ADAMTS16: variants seen among roughly 807,000 people sequenced by gnomAD.
The protein encoded by ADAMTS16 is ADAM metallopeptidase with thrombospondin type 1 motif 16.
ADAMTS16 carries 94 observed loss-of-function variants against 145.8 expected under a neutral mutation model. The ratio of observed to expected loss-of-function variants is 0.64; its 90% CI spans 0.55 to 0.77. ADAMTS16 has a LOEUF of 0.77. ADAMTS16 is among the 30% of genes least tolerant of loss of function. The probability of loss-of-function intolerance (pLI) is 0.00; values close to 1 mark genes in which losing one functional copy is unlikely to be tolerated. For synonymous variants in ADAMTS16, 659 were observed against 604.3 expected, an observed-to-expected ratio of 1.09 and a Z score of -1.33; for missense variants, 1,585 against 1,591.5, an observed-to-expected ratio of 1.00 and a Z score of 0.07.
chr5:5,289,963 G>A (rs1255643614), intron 18 of ADAMTS16, among the ~76,000 whole-genome samples: 1 of 152,216 alleles, frequency 6.6e-6, no homozygotes, highest in African/African-American at 2.4e-5. Flanking sequence ...TAATGGCATG[G>A]CAGCCAAGAA....
intron 13 of ADAMTS16, among the ~76,000 whole-genome samples, chr5:5,236,501 T>C (rs1737110373): frequency 6.6e-6 from 1 of 152,228 alleles, no homozygotes; most frequent in South Asian, 2.1e-4. Flanking sequence ...TTATTCCTTT[T>C]ATTAGTTTAA....
At chr5:5,241,563 C>T (rs1451329475) in intron 16 of ADAMTS16, among the ~76,000 whole-genome samples, 1 of 152,166 alleles carries the variant, frequency 6.6e-6, no homozygotes, top group Non-Finnish European at 1.5e-5. Flanking sequence ...GGAAGCATGA[C>T]GATGCTTTGT....
Position 5,282,550 on chromosome 5 carries a change from C to T in ADAMTS16, c.2789+19767C>T, listed in dbSNP as rs374080141. On this transcript the variant is annotated intron_variant, in intron 18 of 22. Transcript: ENST00000274181. The stretch of plus-strand genomic sequence containing the variant: ...TGTCCTTCCCCGCCCTTCCCTGTGG[C>T]GCTGGCTTCTCCTCCCCACTGTTTC... Among the ~76,000 whole-genome samples, 49 of 152,302 alleles carry T rather than the reference C, an allele frequency of 3.2e-4. 1 individual carries two copies. In the Middle Eastern group the frequency reaches 0.01, roughly 32 times the overall value.
intron 8 of ADAMTS16, among the ~76,000 whole-genome samples, chr5:5,195,901 A>C (rs1735786989): frequency 6.6e-6 from 1 of 152,128 alleles, no homozygotes; most frequent in Non-Finnish European, 1.5e-5. Flanking sequence ...ATTGCAAGAG[A>C]CCACACAGGG....
intron 3 of ADAMTS16, 70 bp downstream of exon 3, chr5:5,146,525 CT>C: frequency 7.0e-7 from 1 of 1,437,492 alleles, no homozygotes; most frequent in South Asian, 1.3e-5. Context: ...GTAACCAGGA[CT>C]TTCCCTCGAT....
chr5:5,215,778 ATGG>A lies in ADAMTS16; in HGVS notation c.1605+6534_1605+6536del, dbSNP rs1560952576. On this transcript the variant is annotated intron_variant, in intron 10 of 22. Transcript: ENST00000274181. ...ATATATATGTATGTGGTATATATAT[ATGG>A]TATATATATGTGTGGTATATATATG... Among the ~76,000 whole-genome samples, 24 of 119,614 alleles carry A rather than the reference ATGG, an allele frequency of 2.0e-4. No homozygotes were observed. In the South Asian group the frequency reaches 2.6e-3, roughly 13 times the overall value. The allele number at this position is 119,614 out of a possible 152,430, so 78.5% of individuals were successfully genotyped here. A position where few individuals can be genotyped will look rare whatever the true frequency, so the allele number is the denominator to read the frequency against.
intron 21 of ADAMTS16, among the ~76,000 whole-genome samples, chr5:5,314,435 T>G (rs6885277): frequency 0.24 from 36,713 of 152,202 alleles, 5,145 homozygotes; most frequent in Non-Finnish European, 0.32. Context: ...ACCAAGGGAA[T>G]GCCTGGAAGG....
chr5:5,258,820 A>T (rs75362940), intron 17 of ADAMTS16, among the ~76,000 whole-genome samples: 1 of 150,936 alleles, frequency 6.6e-6, no homozygotes, highest in Non-Finnish European at 1.5e-5. Flanking sequence ...GTGTGCATGC[A>T]TATGTATATG....
chr5:5,311,547 CTTTTT>C (rs11315258), intron 21 of ADAMTS16, among the ~76,000 whole-genome samples: 1 of 125,818 alleles, frequency 7.9e-6, no homozygotes. Context: ...TAGTCTGCTC[CTTTTT>C]TTTTTTTTTT....
At chr5:5,234,803 G>A (rs1283279372) in intron 12 of ADAMTS16, among the ~76,000 whole-genome samples, 1 of 145,708 alleles carries the variant, frequency 6.9e-6, no homozygotes, top group Non-Finnish European at 1.5e-5. Flanking sequence ...CCAGGAGACA[G>A]CGGTTGCAGC....
At chr5:5,295,416 T>A (rs1410349741) in intron 18 of ADAMTS16, among the ~76,000 whole-genome samples, 1 of 152,256 alleles carries the variant, frequency 6.6e-6, no homozygotes, top group Non-Finnish European at 1.5e-5. Context: ...CAAATTATAT[T>A]ACATAACTCC....
chr5:5,232,912 A>T (rs1325451249), intron 12 of ADAMTS16, among the ~76,000 whole-genome samples: 1 of 151,988 alleles, frequency 6.6e-6, no homozygotes, highest in Non-Finnish European at 1.5e-5. Flanking sequence ...CTCAGCTCTT[A>T]ATAGCAAGCC....
intron 10 of ADAMTS16, among the ~76,000 whole-genome samples, chr5:5,214,867 T>C (rs1041372714): frequency 1.3e-5 from 2 of 152,218 alleles, no homozygotes; most frequent in African/African-American, 4.8e-5. Flanking sequence ...TTTTTTTTAA[T>C]GAACACCTGC....
intron 18 of ADAMTS16, 98 bp from the exon 19 acceptor site, chr5:5,303,170 G>C: frequency 7.8e-7 from 1 of 1,286,958 alleles, no homozygotes; most frequent in Non-Finnish European, 1.0e-6. Flanking sequence ...CACGACCGTG[G>C]CTGGGAAATC....
chr5:5,306,873 C>CG, intron 21 of ADAMTS16, 145 bp downstream of exon 21: 1 of 847,884 alleles, frequency 1.2e-6, no homozygotes, highest in Non-Finnish European at 1.8e-6. Context: ...AGAGCATGTG[C>CG]GGGTGGCCTG....
At position 5,318,240 on chromosome 5, in the gene ADAMTS16, TG is replaced by T; in HGVS notation, c.3520del (p.Ala1174ProfsTer94). The T allele has an allele frequency of 6.4e-7, 1 of 1,562,144 alleles. No individual in the cohort carries two copies. Among genetic ancestry groups the T allele is most frequent in the Non-Finnish European group, 8.7e-7 (1 of 1,149,248 alleles). The stretch of plus-strand genomic sequence containing the variant: ...CTGCACCAGAAGCCTTCGGCCTCCC[TG>T]GCCTGCAACACTCACTTCTGCCCCA... Reference protein sequence around the residue: ...CLLHQKPSASLACNTHFCPIA... With the variant: ...CLLHQKPSASXACNTHFCPIA... On this transcript the variant is annotated frameshift_variant, in exon 22 of 23. Transcript: ENST00000274181. LOFTEE classifies it low-confidence loss of function (END_TRUNC).
chr5:5,289,912 TGTCTC>T (rs1739241169), intron 18 of ADAMTS16, among the ~76,000 whole-genome samples: 1 of 152,230 alleles, frequency 6.6e-6, no homozygotes, highest in South Asian at 2.1e-4. Context: ...TCAAAAGTGC[TGTCTC>T]TACATCACCT....
At position 5,146,310 on chromosome 5, in the gene ADAMTS16, T is replaced by A; in HGVS notation, c.356T>A (p.Val119Glu). ...HMDLRTSSSL[V>E]APGFIVQTLG... ...GATCTGAGGACTTCCAGCAGCCTAG[T>A]GGCTCCTGGCTTTATTGTGCAGACG... Residue 119 changes from valine to glutamate, a missense_variant, in exon 3 of 23, where the codon GTG becomes GAG. This residue lies in a region of ADAMTS16 where 453 missense variants were observed against 412.1 expected (regional missense o/e 1.10). Transcript: ENST00000274181. The A allele has an allele frequency of 6.2e-7, 1 of 1,614,176 alleles. No homozygotes were observed. Among genetic ancestry groups the A allele is most frequent in the Non-Finnish European group, 8.5e-7 (1 of 1,180,022 alleles).
chr5:5,258,572 G>T (rs1737878537), intron 17 of ADAMTS16, among the ~76,000 whole-genome samples: 1 of 152,230 alleles, frequency 6.6e-6, no homozygotes, highest in South Asian at 2.1e-4. Flanking sequence ...AGAGAAGCAG[G>T]TGTTTGAGTT....
Sources: gnomAD v4.1 joint callset for allele counts (sites outside exome capture counted in the v4.1 genomes callset) on GRCh38, gnomAD v4.1.1 for gene constraint, gnomAD v4.1.1 regional missense constraint, MANE v1.5 for transcripts, NCBI Gene and HGNC (gene_info 2026-07-23, HGNC 2026-07-21) for gene names.